Variants in RAE1 observed in about 807,000 individuals in gnomAD.
The protein encoded by RAE1 is ribonucleic acid export 1.
Under a neutral mutation model 52.7 loss-of-function variants are expected in RAE1, and 13 were observed. That is an observed-to-expected ratio of 0.25 (90% confidence interval 0.16 to 0.39). The LOEUF is 0.39. RAE1 is among the 10% of genes least tolerant of loss of function. The pLI is 1.00. For synonymous variants in RAE1, 164 were observed against 153.1 expected, an observed-to-expected ratio of 1.07 and a Z score of -0.52; for missense variants, 262 against 459.8, an observed-to-expected ratio of 0.57 and a Z score of 3.93.
At chr20:57,361,465 T>C (rs1430573170) in intron 4 of RAE1, among the ~76,000 whole-genome samples, 2 of 152,204 alleles carry the variant, frequency 1.3e-5, no homozygotes, top group African/African-American at 2.4e-5. Context: ...GGCAAAGGTA[T>C]GTTTACCTAG....
intron 3 of RAE1, among the ~76,000 whole-genome samples, chr20:57,356,191 A>G (rs561397891): frequency 7.2e-5 from 11 of 152,354 alleles, no homozygotes; most frequent in South Asian, 2.1e-4. Context: ...TTTAAAAGAC[A>G]TATCTCATAG....
At chr20:57,358,735 C>G (rs945425652) in intron 4 of RAE1, 1 of 359,900 alleles carries the variant, frequency 2.8e-6, no homozygotes, top group African/African-American at 2.1e-5. Context: ...TATAGGATTG[C>G]GCTGTTATCC....
chr20:57,368,681 T>C (rs2066991942), intron 7 of RAE1, 24 bp from the exon 8 acceptor site: 1 of 1,534,552 alleles, frequency 6.5e-7, no homozygotes, highest in East Asian at 2.3e-5. Context: ...CTGAAGCGCA[T>C]CTCTGTTTTC....
intron 1 of RAE1, among the ~76,000 whole-genome samples, chr20:57,353,624 G>A (rs563342649): frequency 6.6e-5 from 10 of 152,242 alleles, no homozygotes; most frequent in Non-Finnish European, 1.2e-4. Flanking sequence ...CTGAAAGCAC[G>A]GGGACCTGCG....
intron 1 of RAE1, chr20:57,351,785 C>T (rs2146120288): frequency 4.1e-6 from 4 of 985,508 alleles, no homozygotes; most frequent in Non-Finnish European, 4.8e-6. Flanking sequence ...CCCTTTTAGC[C>T]TCTTCCACGT....
In RAE1 at chr20:57,354,132, C is replaced by G. The variant is rs757621267; in HGVS notation, c.90+4C>G. On this transcript the variant is annotated splice_donor_region_variant and intron_variant, in intron 2 of 11. Coordinates refer to ENST00000395841, the MANE Select transcript of RAE1 (RefSeq NM_003610.4). Reference sequence around the variant, plus strand: ...AGACAATCACAATCCCATGAAGGTACCACGAAAAGCTTCCTGGGGCTTGTA... The same window carrying G: ...AGACAATCACAATCCCATGAAGGTAGCACGAAAAGCTTCCTGGGGCTTGTA... 1 of 1,611,710 alleles carries G rather than the reference C, an allele frequency of 6.2e-7. No homozygotes were observed. The highest frequency in any genetic ancestry group is 1.3e-5 in the African/African-American group (1 of 75,002).
chr20:57,375,198 G>C, intron 11 of RAE1: 2 of 607,582 alleles, frequency 3.3e-6, no homozygotes, highest in Admixed American at 5.7e-5. Context: ...CAGGAGTGGG[G>C]CTGCATTTTT....
chr20:57,359,669 C>T (rs543911495), intron 4 of RAE1: 1 of 152,376 alleles, frequency 6.6e-6, no homozygotes, highest in Non-Finnish European at 1.5e-5. Context: ...GTCACCGCTA[C>T]TCATGAATCT....
In RAE1 at chr20:57,373,654, G is replaced by A; in HGVS notation, c.750-9G>A. The A allele has an allele frequency of 6.2e-7, 1 of 1,614,034 alleles. No individual in the cohort carries two copies. The highest frequency in any genetic ancestry group is 8.5e-7 in the Non-Finnish European group (1 of 1,179,924). On this transcript the variant is annotated splice_polypyrimidine_tract_variant and intron_variant, in intron 9 of 11. Transcript: ENST00000395841. ...CAAAGGAAGACTTACATGAACCTTTGTCTTTCAGCGCCAAAGATAACTTCA... is the reference window on the plus strand; with the variant it reads ...CAAAGGAAGACTTACATGAACCTTTATCTTTCAGCGCCAAAGATAACTTCA...
At chr20:57,372,689 G>A (rs1263455634) in intron 8 of RAE1, 1 of 152,266 alleles carries the variant, frequency 6.6e-6, no homozygotes, top group East Asian at 1.9e-4. Context: ...ATCACCAGCA[G>A]CTGTCACGAT....
At chr20:57,361,612 G>A (rs2066893478) in intron 4 of RAE1, among the ~76,000 whole-genome samples, 1 of 152,138 alleles carries the variant, frequency 6.6e-6, no homozygotes, top group Admixed American at 6.5e-5. Flanking sequence ...AACACCTTAT[G>A]GTTGTTATGT....
At chr20:57,358,788 G>A in intron 4 of RAE1, 1 of 422,710 alleles carries the variant, frequency 2.4e-6, no homozygotes, top group Non-Finnish European at 4.2e-6. Flanking sequence ...GGGTCGATGT[G>A]TAATAACTCA....
rs74941943 is a variant in RAE1 at position 57,377,470 on chromosome 20, C to T, written c.1021-543C>T. 8.5e-5 allele frequency among the ~76,000 whole-genome samples: 13 copies of T among 152,320 alleles called. No individual in the cohort carries two copies. In the East Asian group the frequency reaches 1.7e-3, roughly 20 times the overall value. On this transcript the variant is annotated intron_variant, in intron 11 of 11. Coordinates refer to ENST00000395841, the MANE Select transcript of RAE1 (RefSeq NM_003610.4). ...CCTCATCCTGATTTCGGGGGTCTTT[C>T]GATGCTGTATAGCCCTGCATCCCCT...
At chr20:57,373,855 G>A (rs1305189088) in intron 10 of RAE1, 117 bp downstream of exon 10, 14 of 1,060,950 alleles carry the variant, frequency 1.3e-5, no homozygotes, top group Middle Eastern at 2.1e-4. Flanking sequence ...GTTCATGTCC[G>A]GAGATAAGTG....
intron 4 of RAE1, chr20:57,357,322 T>C (rs1442081243): frequency 2.0e-5 from 3 of 152,152 alleles, no homozygotes; most frequent in African/African-American, 4.8e-5. Context: ...GTCCCTATAG[T>C]TTTGCTTTTA....
chr20:57,358,326 A>G (rs1214361895), intron 4 of RAE1: 2 of 152,248 alleles, frequency 1.3e-5, no homozygotes, highest in African/African-American at 4.8e-5. Flanking sequence ...CGCTATCGCG[A>G]TAAGAGTGGG....
At chr20:57,360,015 ATCT>A (rs1002961310) in intron 4 of RAE1, 144 of 152,288 alleles carry the variant, frequency 9.5e-4, no homozygotes, top group African/African-American at 3.3e-3. Context: ...TCATGATGAA[ATCT>A]TCTGGATGTA....
At chr20:57,353,809 G>A (rs944643437) in intron 1 of RAE1, among the ~76,000 whole-genome samples, 1 of 152,250 alleles carries the variant, frequency 6.6e-6, no homozygotes, top group East Asian at 1.9e-4. Flanking sequence ...TAGATATGGA[G>A]TGTATGGGAA....
chr20:57,363,766 A>G (rs1157623071), intron 4 of RAE1, among the ~76,000 whole-genome samples: 2 of 152,256 alleles, frequency 1.3e-5, no homozygotes, highest in African/African-American at 4.8e-5. Context: ...TCAGGCACCT[A>G]TTGTATGCTA....
Sources: gnomAD v4.1 joint callset for allele counts (sites outside exome capture counted in the v4.1 genomes callset) on GRCh38, gnomAD v4.1.1 for gene constraint, MANE v1.5 for transcripts, NCBI Gene and HGNC (gene_info 2026-07-23, HGNC 2026-07-21) for gene names.